Variants in NAALADL2 observed in about 807,000 individuals in gnomAD.
NAALADL2 encodes the protein inactive N-acetylated-alpha-linked acidic dipeptidase-like protein 2.
NAALADL2 carries 76 observed loss-of-function variants against 87.2 expected under a neutral mutation model. The ratio of observed to expected loss-of-function variants is 0.87; its 90% CI spans 0.72 to 1.05. NAALADL2 has a LOEUF of 1.05. Among genes scored for constraint, NAALADL2 ranks in the 50% least tolerant of loss-of-function variants. The probability of loss-of-function intolerance (pLI) is 0.00; values close to 1 mark genes in which losing one functional copy is unlikely to be tolerated. For missense variants in NAALADL2, 1,089 were observed against 945.8 expected (o/e 1.15, Z -1.99); for synonymous variants, 354 against 331.0 (o/e 1.07, Z -0.75).
At chr3:175,401,127 T>C (rs1273021791) in intron 5 of NAALADL2, among the ~76,000 whole-genome samples, 2 of 152,120 alleles carry the variant, frequency 1.3e-5, no homozygotes, top group African/African-American at 2.4e-5. Context: ...ATAGAAGTTA[T>C]TGATTCCTCA....
chr3:175,003,900 T>C (rs1341715957), intron 1 of NAALADL2, among the ~76,000 whole-genome samples: 1 of 152,144 alleles, frequency 6.6e-6, no homozygotes, highest in Non-Finnish European at 1.5e-5. Context: ...GCTTATAAAG[T>C]TCAAAAGAGA....
chr3:175,623,945 G>GAAA (rs11457454), intron 10 of NAALADL2, among the ~76,000 whole-genome samples: 12 of 148,286 alleles, frequency 8.1e-5, no homozygotes, highest in African/African-American at 2.5e-4. Flanking sequence ...AGGTGTAAAT[G>GAAA]AAAAAAAAAA....
intron 1 of NAALADL2, among the ~76,000 whole-genome samples, chr3:174,882,700 CATGTGTATCTACACATATATGTGTAT>C (rs1729486976): frequency 7.7e-6 from 1 of 130,620 alleles, no homozygotes; most frequent in Non-Finnish European, 1.5e-5. Flanking sequence ...CGTGTATATA[CATGTGTATCTACACATATATGTGTAT>C]ATGTGTATCT....
chr3:175,126,836 A>G lies in NAALADL2; in HGVS notation c.545+29545A>G, dbSNP rs79552394. Among the ~76,000 whole-genome samples, 1,352 of 150,022 alleles carry G rather than the reference A, an allele frequency of 9.0e-3. 20 individuals carry two copies. The highest frequency in any genetic ancestry group is 0.032 in the African/African-American group (1,296 of 40,692). The stretch of plus-strand genomic sequence containing the variant: ...GGGATTAAGTATTTTTCCCAAGGGC[A>G]TTCAACTTGTTCAAGCTACCTTTTT... On this transcript the variant is annotated intron_variant, in intron 2 of 13. Coordinates refer to ENST00000454872, the MANE Select transcript of NAALADL2 (RefSeq NM_207015.3).
intron 13 of NAALADL2, among the ~76,000 whole-genome samples, chr3:175,793,995 A>G (rs1753146308): frequency 6.6e-6 from 1 of 152,000 alleles, no homozygotes; most frequent in Non-Finnish European, 1.5e-5. Flanking sequence ...CATTATTAGA[A>G]TCAGAAAAAT....
intron 4 of NAALADL2, among the ~76,000 whole-genome samples, chr3:175,281,187 T>C (rs1754264810): frequency 6.6e-6 from 1 of 151,486 alleles, no homozygotes; most frequent in Non-Finnish European, 1.5e-5. Context: ...TTTAGTTATT[T>C]TTTAGAACTT....
upstream of NAALADL2, among the ~76,000 whole-genome samples, chr3:174,858,572 T>C (rs1254823102): frequency 6.6e-6 from 1 of 151,972 alleles, no homozygotes; most frequent in Non-Finnish European, 1.5e-5. Context: ...TTTTTTCAGG[T>C]CTCTCAGTTA....
rs1325534698 is a variant in NAALADL2 at position 175,729,203 on chromosome 3, A to G, written c.1897-8103A>G. ...TGGAATGGACTTATCTCTAACAGGA[A>G]AGTAAGTTCTAAGGAGAGCACCTAT... On this transcript the variant is annotated intron_variant, in intron 11 of 13. Coordinates refer to ENST00000454872, the MANE Select transcript of NAALADL2 (RefSeq NM_207015.3). Among the ~76,000 whole-genome samples, 5 of 152,294 alleles carry G rather than the reference A, an allele frequency of 3.3e-5. No homozygotes were observed. In the South Asian group the frequency reaches 1.0e-3, roughly 32 times the overall value.
chr3:174,568,753 C>T (rs1422999199), intron 2 of NAALADL2, among the ~76,000 whole-genome samples: 1 of 151,400 alleles, frequency 6.6e-6, no homozygotes, highest in African/African-American at 2.4e-5. Flanking sequence ...TTCTGAATCC[C>T]CATGCCATAT....
chr3:174,642,996 G>T (rs1352124362), intron 2 of NAALADL2, among the ~76,000 whole-genome samples: 1 of 151,858 alleles, frequency 6.6e-6, no homozygotes, highest in African/African-American at 2.4e-5. Context: ...TACCCAGCCT[G>T]GTCTTGAACT....
intron 2 of NAALADL2, among the ~76,000 whole-genome samples, chr3:175,098,354 G>C (rs1461190357): frequency 2.0e-5 from 3 of 152,130 alleles, no homozygotes; most frequent in Non-Finnish European, 4.4e-5. Context: ...AATATTTAAA[G>C]TAGAGAAATG....
chr3:175,439,652 T>C (rs957580330), intron 5 of NAALADL2, among the ~76,000 whole-genome samples: 17 of 151,950 alleles, frequency 1.1e-4, no homozygotes, highest in Admixed American at 1.1e-3. Flanking sequence ...GTGAAAAATG[T>C]TTTTTCATAT....
At position 174,899,297 on chromosome 3, in the gene NAALADL2, A is replaced by G. The variant is rs1732014814; in HGVS notation, c.43+39847A>G. ...ATAGAAAGAGAAAGGATAAGAGATA[A>G]TTATTTGCATATGATACAGTTTAAG... On this transcript the variant is annotated intron_variant, in intron 1 of 13. Coordinates refer to ENST00000454872, the MANE Select transcript of NAALADL2 (RefSeq NM_207015.3). Among the ~76,000 whole-genome samples, 5 of 152,304 alleles carry G rather than the reference A, an allele frequency of 3.3e-5. No individual in the cohort carries two copies. In the South Asian group the frequency reaches 1.0e-3, roughly 32 times the overall value.
intron 2 of NAALADL2, among the ~76,000 whole-genome samples, chr3:175,144,666 C>A (rs1010975131): frequency 9.9e-5 from 15 of 151,800 alleles, no homozygotes; most frequent in Admixed American, 9.2e-4. Context: ...TACTTATCTC[C>A]GTCACTTTTT....
chr3:174,557,755 C>T (rs1454874981), intron 2 of NAALADL2, among the ~76,000 whole-genome samples: 2 of 151,976 alleles, frequency 1.3e-5, no homozygotes, highest in Non-Finnish European at 2.9e-5. Context: ...CAATAACACC[C>T]CGAAGTTTGA....
chr3:174,687,467 C>G (rs138049883), intron 2 of NAALADL2, among the ~76,000 whole-genome samples: 2 of 151,894 alleles, frequency 1.3e-5, no homozygotes, highest in East Asian at 3.9e-4. Context: ...AGAGGTGATT[C>G]GCTTACAATA....
intron 2 of NAALADL2, among the ~76,000 whole-genome samples, chr3:175,102,180 C>G (rs932639636): frequency 2.0e-5 from 3 of 152,104 alleles, no homozygotes; most frequent in South Asian, 2.1e-4. Flanking sequence ...TATACAGGGA[C>G]CTTTAGGTTC....
intron 1 of NAALADL2, among the ~76,000 whole-genome samples, chr3:174,454,946 A>G (rs981440246): frequency 6.7e-6 from 1 of 150,154 alleles, no homozygotes; most frequent in Non-Finnish European, 1.5e-5. Context: ...TGAATCCAGG[A>G]GTTGTTTTTT....
intron 3 of NAALADL2, among the ~76,000 whole-genome samples, chr3:174,808,815 T>A (rs1719813417): frequency 6.6e-6 from 1 of 151,810 alleles, no homozygotes; most frequent in Non-Finnish European, 1.5e-5. Flanking sequence ...TGTGTGTGTG[T>A]TTGTGTGTGC....
Sources: gnomAD v4.1 joint callset for allele counts (sites outside exome capture counted in the v4.1 genomes callset) on GRCh38, gnomAD v4.1.1 for gene constraint, MANE v1.5 for transcripts, NCBI Gene and HGNC (gene_info 2026-07-23, HGNC 2026-07-21) for gene names.